ADAMTS19: variants seen among roughly 807,000 people sequenced by gnomAD.
The protein encoded by ADAMTS19 is A disintegrin and metalloproteinase with thrombospondin motifs 19.
Under a neutral mutation model 153.3 loss-of-function variants are expected in ADAMTS19, and 93 were observed. The observed-to-expected ratio is 0.61, with a 90% CI of 0.51 to 0.72. The LOEUF is 0.72. Ranked by LOEUF, ADAMTS19 falls within the 30% of genes least tolerant of loss-of-function variation. ADAMTS19 has a pLI of 0.00. For missense variants in ADAMTS19, 1,482 were observed against 1,552.1 expected (o/e 0.95, Z 0.76); for synonymous variants, 600 against 556.6 (o/e 1.08, Z -1.10).
intron 3 of ADAMTS19, among the ~76,000 whole-genome samples, chr5:129,524,431 G>T (rs940983891): frequency 1.3e-5 from 2 of 152,042 alleles, no homozygotes; most frequent in African/African-American, 4.8e-5. Context: ...AAAAGCAATT[G>T]CAACAAAAGC....
At chr5:129,551,308 T>TC (rs1244774289) in intron 6 of ADAMTS19, among the ~76,000 whole-genome samples, 1 of 151,588 alleles carries the variant, frequency 6.6e-6, no homozygotes, top group Non-Finnish European at 1.5e-5. Flanking sequence ...AGATATAATT[T>TC]CAGATAAAGA....
chr5:129,461,095 C>A lies in ADAMTS19; in HGVS notation c.92-7C>A. The A allele has an allele frequency of 7.2e-7, 1 of 1,390,002 alleles. No individual in the cohort carries two copies. Among genetic ancestry groups the A allele is most frequent in the Non-Finnish European group, 9.3e-7 (1 of 1,073,550 alleles). 86.1% of individuals were successfully genotyped at this position (1,390,002 alleles called of 1,614,324 possible). ...AAGCCCCGCACTTCTGTCTGCCCCGCCCGCAGAGCTGCAGTTCGCCCCCGA... is the reference window on the plus strand; with the variant it reads ...AAGCCCCGCACTTCTGTCTGCCCCGACCGCAGAGCTGCAGTTCGCCCCCGA... On this transcript the variant is annotated splice_polypyrimidine_tract_variant and splice_region_variant and intron_variant, in intron 1 of 22. Transcript: ENST00000274487. This position sits in a 1 kb window ranked among gnomAD's most constrained non-coding sequence, Gnocchi z 4.6.
rs1353428500 is a variant in ADAMTS19 at position 129,738,176 on chromosome 5, G to A, written c.*958G>A. 6.6e-6 allele frequency: 1 copy of A among 152,196 alleles called. No individual in the cohort carries two copies. Among genetic ancestry groups the A allele is most frequent in the African/African-American group, 2.4e-5 (1 of 41,404 alleles). 9.4% of individuals were successfully genotyped at this position (152,196 alleles called of 1,614,324 possible). ...GGAAAAACAGAAAGCATATAATACG[G>A]TGGTCGTTTCATTGTGTTTTTCTTC... On this transcript the variant is annotated 3_prime_UTR_variant, in exon 23 of 23. Coordinates refer to ENST00000274487, the MANE Select transcript of ADAMTS19 (RefSeq NM_133638.6).
chr5:129,560,299 T>G (rs1158131361), intron 7 of ADAMTS19, among the ~76,000 whole-genome samples: 9 of 152,212 alleles, frequency 5.9e-5, no homozygotes, highest in Admixed American at 5.9e-4. Context: ...TATAACTTTT[T>G]TTTAGGGAGC....
intron 6 of ADAMTS19, among the ~76,000 whole-genome samples, chr5:129,547,198 G>C (rs1011935350): frequency 6.6e-6 from 1 of 150,650 alleles, no homozygotes; most frequent in Admixed American, 6.6e-5. Flanking sequence ...GAGGATGGAA[G>C]CAGGGGGCAG....
chr5:129,730,433 G>T (rs535178946), intron 21 of ADAMTS19, among the ~76,000 whole-genome samples: 2 of 152,088 alleles, frequency 1.3e-5, no homozygotes, highest in Non-Finnish European at 2.9e-5. Flanking sequence ...GTAGATTCAT[G>T]TTCATGACAT....
intron 6 of ADAMTS19, among the ~76,000 whole-genome samples, chr5:129,536,214 A>G (rs1352281947): frequency 1.3e-5 from 2 of 152,228 alleles, no homozygotes; most frequent in Admixed American, 6.5e-5. Flanking sequence ...CAGATTTACA[A>G]GAAAAAAACA....
chr5:129,719,368 TG>T (rs1166906674), intron 21 of ADAMTS19, among the ~76,000 whole-genome samples: 1 of 152,168 alleles, frequency 6.6e-6, no homozygotes, highest in African/African-American at 2.4e-5. Flanking sequence ...ATCTCCCATA[TG>T]GCCCCCAAAT....
intron 6 of ADAMTS19, among the ~76,000 whole-genome samples, chr5:129,545,862 C>T (rs541799150): frequency 5.4e-5 from 8 of 149,024 alleles, no homozygotes; most frequent in African/African-American, 1.5e-4. Context: ...GAAATACCAT[C>T]TGACCCAGCC....
intron 21 of ADAMTS19, among the ~76,000 whole-genome samples, chr5:129,707,757 C>T (rs1272219761): frequency 5.3e-5 from 8 of 152,182 alleles, no homozygotes; most frequent in East Asian, 1.9e-4. Flanking sequence ...GTCAGTTTCA[C>T]GCAAAGTCTG....
chr5:129,553,046 T>C (rs1753186651), intron 7 of ADAMTS19, among the ~76,000 whole-genome samples: 1 of 152,120 alleles, frequency 6.6e-6, no homozygotes, highest in South Asian at 2.1e-4. Flanking sequence ...CTTCTTTTCC[T>C]GTCTGAATCT....
At chr5:129,699,575 C>A (rs76215750) in intron 19 of ADAMTS19, among the ~76,000 whole-genome samples, 3,055 of 152,162 alleles carry the variant, frequency 0.02, 76 homozygotes, top group African/African-American at 0.064. Flanking sequence ...AGCCTTTGAG[C>A]CCCTCTGCTT....
intron 7 of ADAMTS19, among the ~76,000 whole-genome samples, chr5:129,592,020 C>G (rs1302159065): frequency 6.6e-6 from 1 of 152,028 alleles, no homozygotes; most frequent in African/African-American, 2.4e-5. Flanking sequence ...GTACATGACT[C>G]ATTTTTAGTT....
Position 129,701,566 on chromosome 5 carries a change from G to A in ADAMTS19, c.3133G>A (p.Val1045Met), listed in dbSNP as rs377194418. ...CTGTGAGGGCCAGGACTGCATGACC[G>A]TGTGGGAGGCGGGAGTGTGGTCTGA... ...QRCEGQDCMT[V>M]WEAGVWSECS... The change falls in exon 20 of 23, where the codon GTG becomes ATG. Residue 1045 changes from valine to methionine, a missense_variant. By Grantham distance (21) the Val-to-Met change is conservative. This residue lies in a region of ADAMTS19 where 616 missense variants were observed against 724.4 expected (regional missense o/e 0.85). Coordinates refer to ENST00000274487, the MANE Select transcript of ADAMTS19 (RefSeq NM_133638.6). The A allele has an allele frequency of 3.3e-5, 54 of 1,614,080 alleles. No individual in the cohort carries two copies. The highest frequency in any genetic ancestry group is 1.6e-4 in the Middle Eastern group (1 of 6,084).
chr5:129,610,791 T>C (rs1309434393), intron 8 of ADAMTS19, among the ~76,000 whole-genome samples: 2 of 152,212 alleles, frequency 1.3e-5, no homozygotes, highest in African/African-American at 4.8e-5. Flanking sequence ...TTATAATCCT[T>C]TGGGTATACA....
rs1289457795 is a variant in ADAMTS19, at chr5:129,684,148, G to T, written c.2693G>T (p.Gly898Val). 1.2e-6 allele frequency: 2 copies of T among 1,613,860 alleles called. No homozygotes were observed. Among genetic ancestry groups the T allele is most frequent in the Admixed American group, 1.7e-5 (1 of 59,994 alleles). ...LVLLFQDQNY[G>V]LHYEYTIPSD... ...CTCCTGTTTCAGGATCAGAATTATGGTCTTCACTATGAATACACTATCCCA... is the reference window on the plus strand; with the variant it reads ...CTCCTGTTTCAGGATCAGAATTATGTTCTTCACTATGAATACACTATCCCA... The change falls in exon 18 of 23, where the codon GGT becomes GTT. Residue 898 changes from glycine (G) to valine (V), a missense_variant. By Grantham distance (109) the Gly-to-Val change is moderately radical. This residue lies in a region of ADAMTS19 where 616 missense variants were observed against 724.4 expected (regional missense o/e 0.85). Coordinates refer to ENST00000274487, the MANE Select transcript of ADAMTS19 (RefSeq NM_133638.6).
chr5:129,719,645 A>G (rs1756893264), intron 21 of ADAMTS19, among the ~76,000 whole-genome samples: 1 of 152,230 alleles, frequency 6.6e-6, no homozygotes, highest in Non-Finnish European at 1.5e-5. Context: ...GTTGTTAGTC[A>G]AATAAGTAGA....
intron 11 of ADAMTS19, among the ~76,000 whole-genome samples, chr5:129,646,057 T>G (rs1187867021): frequency 2.0e-5 from 3 of 149,430 alleles, no homozygotes; most frequent in Non-Finnish European, 3.0e-5. Flanking sequence ...CCCGGCTAAT[T>G]TTTTGTATTT....
intron 21 of ADAMTS19, among the ~76,000 whole-genome samples, chr5:129,726,532 G>A (rs1032685065): frequency 6.6e-6 from 1 of 152,114 alleles, no homozygotes; most frequent in African/African-American, 2.4e-5. Context: ...CTGAAAGAAG[G>A]GAGAAGGGAA....
Sources: gnomAD v4.1 joint callset for allele counts (sites outside exome capture counted in the v4.1 genomes callset) on GRCh38, gnomAD v4.1.1 for gene constraint, gnomAD v4.1.1 regional missense constraint, Gnocchi (gnomAD v3.1) non-coding constraint, MANE v1.5 for transcripts, NCBI Gene and HGNC (gene_info 2026-07-23, HGNC 2026-07-21) for gene names.